RFX3: variants seen among roughly 807,000 people sequenced by gnomAD.
The protein encoded by RFX3 is regulatory factor X3.
RFX3 carries 14 observed loss-of-function variants against 98.6 expected under a neutral mutation model. The observed-to-expected ratio is 0.14, with a 90% confidence interval of 0.09 to 0.22. The LOEUF (loss-of-function observed/expected upper bound fraction) is 0.22, where lower values mean the gene tolerates loss of function less well. RFX3 is among the 10% of genes least tolerant of loss of function. RFX3 has a pLI of 1.00. For synonymous variants in RFX3, 383 were observed against 328.4 expected, an observed-to-expected ratio of 1.17 and a Z score of -1.80; for missense variants, 639 against 926.9, an observed-to-expected ratio of 0.69 and a Z score of 4.03.
In RFX3 at chr9:3,333,435, GT is replaced by G. The variant is rs774597966; in HGVS notation, c.216-2919del. ...TGATAGAAACAAATTCATAGAAAAT[GT>G]TTTTTTTTTTTTTTTTCCAGATAGA... On this transcript the variant is annotated intron_variant, in intron 3 of 16. Coordinates refer to ENST00000617270, the MANE Select transcript of RFX3 (RefSeq NM_001282116.2). 9.4e-3 allele frequency among the ~76,000 whole-genome samples: 1,033 copies of G among 109,408 alleles called. 5 individuals carry two copies. Among genetic ancestry groups the G allele is most frequent in the South Asian group, 0.022 (73 of 3,362 alleles). The allele number at this position is 109,408 out of a possible 152,430, so 71.8% of individuals were successfully genotyped here.
intron 2 of RFX3, among the ~76,000 whole-genome samples, chr9:3,369,102 G>C (rs1837525534): frequency 6.6e-6 from 1 of 152,192 alleles, no homozygotes; most frequent in African/African-American, 2.4e-5. Context: ...AGCACACCAG[G>C]AGAAAAAGAT....
At chr9:3,365,602 A>T (rs1191052298) in intron 2 of RFX3, among the ~76,000 whole-genome samples, 1 of 152,134 alleles carries the variant, frequency 6.6e-6, no homozygotes, top group Non-Finnish European at 1.5e-5. Context: ...TTTGAAGCAA[A>T]CTGCTAATAT....
In RFX3 at chr9:3,485,881, T is replaced by C. The variant is rs541795076; in HGVS notation, c.-9+39866A>G. ...GGCTCACACCTGTAATCCCAACACT[T>C]TGGGAGGCCGAGGTGGGCGGATCAC... On this transcript the variant is annotated intron_variant, in intron 1 of 16. Transcript: ENST00000617270. Among the ~76,000 whole-genome samples, 612 of 152,114 alleles carry C rather than the reference T, an allele frequency of 4.0e-3. 3 individuals carry two copies. Among genetic ancestry groups the C allele is most frequent in the African/African-American group, 0.014 (574 of 41,516 alleles).
intron 4 of RFX3, among the ~76,000 whole-genome samples, chr9:3,313,209 T>C (rs1330020062): frequency 6.6e-6 from 1 of 152,112 alleles, no homozygotes; most frequent in African/African-American, 2.4e-5. Flanking sequence ...CGTTCTGCAA[T>C]ATTTGCTGTT....
At position 3,499,738 on chromosome 9, in the gene RFX3, C is replaced by A. The variant is rs185300404; in HGVS notation, c.-9+26009G>T. Among the ~76,000 whole-genome samples, 238 of 152,110 alleles carry A rather than the reference C, an allele frequency of 1.6e-3. 1 individual carries two copies. The highest frequency in any genetic ancestry group is 5.6e-3 in the African/African-American group (234 of 41,500). ...ATTTGGAGACCAAGATAAAGGTGTT[C>A]TATCATAAAATACCAAAGACCACAC... On this transcript the variant is annotated intron_variant, in intron 1 of 16. Transcript: ENST00000617270.
intron 16 of RFX3, among the ~76,000 whole-genome samples, chr9:3,228,153 A>G (rs1370268661): frequency 1.3e-5 from 2 of 152,092 alleles, no homozygotes; most frequent in Admixed American, 1.3e-4. Flanking sequence ...GCACTGGTAT[A>G]TTTATCAGTA....
At chr9:3,268,726 T>C (rs115779385) in intron 11 of RFX3, among the ~76,000 whole-genome samples, 3,245 of 152,042 alleles carry the variant, frequency 0.021, 121 homozygotes, top group African/African-American at 0.074. Flanking sequence ...ATTATGGGCT[T>C]GAATTAAACT....
At chr9:3,483,832 T>C (rs1850020037) in intron 1 of RFX3, among the ~76,000 whole-genome samples, 1 of 152,196 alleles carries the variant, frequency 6.6e-6, no homozygotes, top group South Asian at 2.1e-4. Flanking sequence ...TTACTTGATA[T>C]CTTAACATAG....
chr9:3,330,136 T>G, intron 4 of RFX3, 123 bp downstream of exon 4: 1 of 1,001,154 alleles, frequency 1.0e-6, no homozygotes. Context: ...CTCTCAATAC[T>G]AAAACTATCC....
chr9:3,462,293 A>G (rs1209909170), intron 1 of RFX3, among the ~76,000 whole-genome samples: 1 of 152,100 alleles, frequency 6.6e-6, no homozygotes, highest in Non-Finnish European at 1.5e-5. Flanking sequence ...CAATCAGGAT[A>G]TTTCACCAGA....
intron 13 of RFX3, among the ~76,000 whole-genome samples, chr9:3,257,684 A>G (rs1003926726): frequency 1.3e-5 from 2 of 152,236 alleles, no homozygotes; most frequent in Admixed American, 1.3e-4. Context: ...TCCCCTCAAG[A>G]TTAAAACAGA....
intron 7 of RFX3, among the ~76,000 whole-genome samples, chr9:3,287,585 A>G (rs1826792443): frequency 6.6e-6 from 1 of 151,970 alleles, no homozygotes; most frequent in Non-Finnish European, 1.5e-5. Flanking sequence ...TCTAAGATCT[A>G]TGATTCTATT....
At chr9:3,340,323 CATT>C (rs1833726427) in intron 3 of RFX3, among the ~76,000 whole-genome samples, 1 of 152,152 alleles carries the variant, frequency 6.6e-6, no homozygotes, top group Non-Finnish European at 1.5e-5. Flanking sequence ...TGGGCAATAC[CATT>C]CAGGACATAA....
At chr9:3,307,836 C>A (rs1829509607) in intron 4 of RFX3, among the ~76,000 whole-genome samples, 1 of 152,222 alleles carries the variant, frequency 6.6e-6, no homozygotes, top group South Asian at 2.1e-4. Context: ...TAGACTAATG[C>A]AAAGCCTCAG....
At chr9:3,312,891 C>T (rs147014433) in intron 4 of RFX3, among the ~76,000 whole-genome samples, 11 of 152,202 alleles carry the variant, frequency 7.2e-5, no homozygotes, top group African/African-American at 1.9e-4. Flanking sequence ...TGGAGCCCAC[C>T]GCAGATCAAG....
chr9:3,357,227 G>A (rs1394011261), intron 2 of RFX3, among the ~76,000 whole-genome samples: 1 of 151,826 alleles, frequency 6.6e-6, no homozygotes, highest in African/African-American at 2.4e-5. Context: ...TGTAAACCTT[G>A]ATGGATATTT....
chr9:3,402,210 C>T (rs930779164), intron 1 of RFX3, among the ~76,000 whole-genome samples: 3 of 152,100 alleles, frequency 2.0e-5, no homozygotes, highest in African/African-American at 7.2e-5. Flanking sequence ...GGTCTTTCAT[C>T]CTGAAATAAT....
intron 1 of RFX3, chr9:3,489,319 C>A (rs1002247937): frequency 1.5e-5 from 6 of 406,078 alleles, no homozygotes; most frequent in Non-Finnish European, 1.7e-5. Context: ...GCCTATCCCT[C>A]TGACACCCTT....
intron 13 of RFX3, among the ~76,000 whole-genome samples, chr9:3,261,455 T>C (rs1300522321): frequency 3.3e-5 from 5 of 152,204 alleles, no homozygotes; most frequent in African/African-American, 4.8e-5. Flanking sequence ...GGTTCATCTA[T>C]ACTGCAGAAT....
Sources: gnomAD v4.1 joint callset for allele counts (sites outside exome capture counted in the v4.1 genomes callset) on GRCh38, gnomAD v4.1.1 for gene constraint, MANE v1.5 for transcripts, NCBI Gene and HGNC (gene_info 2026-07-23, HGNC 2026-07-21) for gene names.